GCN1: variants seen among roughly 807,000 people sequenced by gnomAD.
The protein encoded by GCN1 is stalled ribosome sensor GCN1.
GCN1 carries 90 observed loss-of-function variants against 288.4 expected under a neutral mutation model. That is an observed-to-expected ratio of 0.31 (90% CI 0.26 to 0.37). GCN1 has a LOEUF of 0.37. Among genes scored for constraint, GCN1 ranks in the 10% least tolerant of loss-of-function variants. The pLI is 1.00. For missense variants in GCN1, 2,586 were observed against 3,419.9 expected, an observed-to-expected ratio of 0.76 and a Z score of 6.08; for synonymous variants, 1,386 against 1,420.2, an observed-to-expected ratio of 0.98 and a Z score of 0.54.
At chr12:120,152,388 C>T (rs890635618) in intron 33 of GCN1, among the ~76,000 whole-genome samples, 1 of 122,314 alleles carries the variant, frequency 8.2e-6, no homozygotes, top group Non-Finnish European at 1.6e-5. Context: ...CACACACACG[C>T]GCACACACAC....
chr12:120,190,966 C>T (rs929651561), intron 1 of GCN1, among the ~76,000 whole-genome samples: 3 of 152,182 alleles, frequency 2.0e-5, no homozygotes, highest in Admixed American at 2.0e-4. Context: ...CTTTTACTAG[C>T]TGTAGAAACT....
chr12:120,171,366 C>G (rs1878308978), intron 14 of GCN1, among the ~76,000 whole-genome samples: 1 of 151,966 alleles, frequency 6.6e-6, no homozygotes, highest in East Asian at 1.9e-4. Flanking sequence ...ACTCAGGAGG[C>G]TGAGGTTGGA....
At chr12:120,168,359 T>C (rs6490286) in intron 15 of GCN1, 59 bp from the exon 16 acceptor site, 803,229 of 985,696 alleles carry the variant, frequency 0.81, 330,160 homozygotes, top group East Asian at 0.99. Context: ...AGAGCTGATC[T>C]ACTCCATCCT....
chr12:120,158,430 TG>T lies in GCN1; in HGVS notation c.2905+29del, dbSNP rs1483413049. On this transcript the variant is annotated intron_variant, in intron 25 of 57. Transcript: ENST00000300648. This position sits in a 1 kb window ranked among gnomAD's most constrained non-coding sequence, Gnocchi z 4.3. ...ATTCCTGGCACCAGCTCACACCGCCTGGTGCCCCTGATCCCGTCCCAGCCCT... is the reference window on the plus strand; with the variant it reads ...ATTCCTGGCACCAGCTCACACCGCCTGTGCCCCTGATCCCGTCCCAGCCCT... 6.6e-7 allele frequency: 1 copy of T among 1,522,654 alleles called. No individual in the cohort carries two copies. Among genetic ancestry groups the T allele is most frequent in the African/African-American group, 1.4e-5 (1 of 72,604 alleles). The allele number at this position is 1,522,654 out of a possible 1,614,324, so 94.3% of individuals were successfully genotyped here. A position where few individuals can be genotyped will look rare whatever the true frequency, so the allele number is the denominator to read the frequency against.
rs777154829 is a variant in GCN1 at position 120,183,607 on chromosome 12, A to T, written c.388T>A (p.Ser130Thr). The T allele has an allele frequency of 3.1e-6, 5 of 1,613,608 alleles. No homozygotes were observed. The South Asian group carries it at 5.5e-5, about 18-fold the overall frequency. The change falls in exon 5 of 58, where the codon TCG becomes ACG. Residue 130 changes from serine to threonine, a missense_variant. Physicochemically the swap from Ser to Thr is moderately conservative, Grantham distance 58. Transcript: ENST00000300648. ...ATGTCTCCTTGTCGCTTGGCTCTCG[A>T]TGGAAAGACAATGCGCACCAGGAGG... Reference protein sequence around the residue: ...TCLLVRIVFPSRAKRQGDIWN... With the variant: ...TCLLVRIVFPTRAKRQGDIWN...
rs1400493323 is a variant in GCN1, at chr12:120,150,069, T to C, written c.4310-26A>G. On this transcript the variant is annotated intron_variant, in intron 34 of 57. Coordinates refer to ENST00000300648, the MANE Select transcript of GCN1 (RefSeq NM_006836.2). ...CTAGGGGAAAAGAAGGTGGGACGGCTGGGAAGAGAATGTCCCCTGGGGGTA... is the reference window on the plus strand; with the variant it reads ...CTAGGGGAAAAGAAGGTGGGACGGCCGGGAAGAGAATGTCCCCTGGGGGTA... 6 of 1,612,216 alleles carry C rather than the reference T, an allele frequency of 3.7e-6. No homozygotes were observed. In the Admixed American group the frequency reaches 5.0e-5, roughly 13 times the overall value.
intron 1 of GCN1, among the ~76,000 whole-genome samples, chr12:120,193,891 A>C (rs1879085593): frequency 6.6e-6 from 1 of 152,212 alleles, no homozygotes. Flanking sequence ...CCCTGGAGAC[A>C]CCAAATCAGC....
rs1313903027 is a variant in GCN1, at chr12:120,162,772, T to C, written c.2163+75A>G. 11 of 1,477,192 alleles carry C rather than the reference T, an allele frequency of 7.4e-6. No homozygotes were observed. The African/African-American group carries it at 1.3e-4, about 17-fold the overall frequency. The allele number at this position is 1,477,192 out of a possible 1,614,324, so 91.5% of individuals were successfully genotyped here. Reference sequence around the variant, plus strand: ...ATCCATCTTCACCTGCTTCTTTGAATCCTCTCTTCCTGTACACTGTGATGA... The same window carrying C: ...ATCCATCTTCACCTGCTTCTTTGAACCCTCTCTTCCTGTACACTGTGATGA... On this transcript the variant is annotated intron_variant, in intron 20 of 57. Transcript: ENST00000300648.
chr12:120,176,244 T>TG, intron 9 of GCN1, 27 bp from the exon 10 acceptor site: 1 of 1,456,584 alleles, frequency 6.9e-7, no homozygotes, highest in Non-Finnish European at 9.6e-7. Context: ...GCACTGACCA[T>TG]GTCAGTCTAA....
At chr12:120,170,604 T>G (rs959622497) in intron 14 of GCN1, among the ~76,000 whole-genome samples, 1 of 150,970 alleles carries the variant, frequency 6.6e-6, no homozygotes, top group South Asian at 2.1e-4. Context: ...AGGCTGGGAG[T>G]TCGAGATCAG....
rs565109626 is a variant in GCN1 at position 120,161,690 on chromosome 12, C to G, written c.2343-107G>C. The stretch of plus-strand genomic sequence containing the variant: ...CTAGCTGTTAAGCACTGTGCACCAG[C>G]ACAGTGCCGGATACTGGACACACTT... On this transcript the variant is annotated intron_variant, in intron 21 of 57. Transcript: ENST00000300648. The G allele has an allele frequency of 3.2e-6, 3 of 951,854 alleles. No homozygotes were observed. In the African/African-American group the frequency reaches 4.8e-5, roughly 15 times the overall value. 59.0% of individuals were successfully genotyped at this position (951,854 alleles called of 1,614,324 possible). A position where few individuals can be genotyped will look rare whatever the true frequency, so the allele number is the denominator to read the frequency against.
rs1566298413 is a variant in GCN1, at chr12:120,137,185, CT to C, written c.6777+20del. 1 of 1,569,066 alleles carries C rather than the reference CT, an allele frequency of 6.4e-7. No homozygotes were observed. Among genetic ancestry groups the C allele is most frequent in the Non-Finnish European group, 8.8e-7 (1 of 1,139,370 alleles). On this transcript the variant is annotated intron_variant, in intron 50 of 57. Coordinates refer to ENST00000300648, the MANE Select transcript of GCN1 (RefSeq NM_006836.2). The surrounding 1 kb of genome is among the most constrained non-coding windows in gnomAD (Gnocchi z 5.2). Reference sequence around the variant, plus strand: ...CAACAGACTGCACGCCCACAGCCCCCTGCACGAGGCCCTGGCTTACCTTCTT... The same window carrying C: ...CAACAGACTGCACGCCCACAGCCCCCGCACGAGGCCCTGGCTTACCTTCTT...
Position 120,148,243 on chromosome 12 carries a change from G to A in GCN1, c.4650C>T (p.Ser1550=), listed in dbSNP as rs1194085585. 2 of 1,614,054 alleles carry A rather than the reference G, an allele frequency of 1.2e-6. No individual in the cohort carries two copies. Among genetic ancestry groups the A allele is most frequent in the Non-Finnish European group, 8.5e-7 (1 of 1,179,962 alleles). The change falls in exon 37 of 58, where the codon TCC becomes TCT. Residue 1550 remains serine, a synonymous_variant. Transcript: ENST00000300648. ...VPKLTEVLTD[S]HVKVQKAGQQ... Reference sequence around the variant, plus strand: ...GTCCAGCCTTCTGGACTTTGACATGGGAGTCGGTCAGCACCTCCGTAAGCT... The same window carrying A: ...GTCCAGCCTTCTGGACTTTGACATGAGAGTCGGTCAGCACCTCCGTAAGCT...
In GCN1 at chr12:120,165,032, CACACAT is replaced by C. The variant is rs1317339422; in HGVS notation, c.1613-317_1613-312del. 4.8e-3 allele frequency among the ~76,000 whole-genome samples: 659 copies of C among 137,528 alleles called. 4 individuals are homozygous for C. Among genetic ancestry groups the C allele is most frequent in the East Asian group, 0.015 (74 of 5,020 alleles). 90.2% of individuals were successfully genotyped at this position (137,528 alleles called of 152,430 possible). A position where few individuals can be genotyped will look rare whatever the true frequency, so the allele number is the denominator to read the frequency against. On this transcript the variant is annotated intron_variant, in intron 16 of 57. Coordinates refer to ENST00000300648, the MANE Select transcript of GCN1 (RefSeq NM_006836.2). ...ACACACACACACACACACACACACA[CACACAT>C]ATATATATATATATTTTTTTTTTTG...
chr12:120,185,692 CCAGGTTCAAGTGATTCTCCTGCCT>C (rs1471272820), intron 2 of GCN1, among the ~76,000 whole-genome samples: 4 of 152,160 alleles, frequency 2.6e-5, no homozygotes, highest in Non-Finnish European at 5.9e-5. Context: ...CCTCCGCCTC[CCAGGTTCAAGTGATTCTCCTGCCT>C]CAGCCACATG....
At chr12:120,181,664 A>T (rs940466519) in intron 5 of GCN1, among the ~76,000 whole-genome samples, 15 of 151,116 alleles carry the variant, frequency 9.9e-5, no homozygotes, top group African/African-American at 3.7e-4. Context: ...ACATAGAGAA[A>T]CCCCGTCTCT....
intron 33 of GCN1, among the ~76,000 whole-genome samples, chr12:120,152,375 CCACACACACACGCGCACACACACA>C (rs1482673102): frequency 3.8e-5 from 5 of 131,984 alleles, no homozygotes; most frequent in Non-Finnish European, 6.3e-5. Context: ...AAAATGCAAA[CCACACACACACGCGCACACACACA>C]CACACACACA....
At position 120,153,158 on chromosome 12, in the gene GCN1, A is replaced by G; in HGVS notation, c.4062+55T>C. The G allele has an allele frequency of 6.6e-7, 1 of 1,504,972 alleles. No individual in the cohort carries two copies. Among genetic ancestry groups the G allele is most frequent in the South Asian group, 1.1e-5 (1 of 86,974 alleles). 93.2% of individuals were successfully genotyped at this position (1,504,972 alleles called of 1,614,324 possible). A position where few individuals can be genotyped will look rare whatever the true frequency, so the allele number is the denominator to read the frequency against. On this transcript the variant is annotated intron_variant, in intron 33 of 57. Transcript: ENST00000300648. The surrounding 1 kb of genome is among the most constrained non-coding windows in gnomAD (Gnocchi z 4.4). ...CCCTAGTATCCCACCGCCTAACCAC[A>G]GCCGGGTCCCAATTCTCTAACCGAC...
chr12:120,168,326 C>G (rs367755066), intron 15 of GCN1, 26 bp from the exon 16 acceptor site: 6 of 1,328,776 alleles, frequency 4.5e-6, no homozygotes, highest in South Asian at 1.2e-5. Context: ...GGTTACCCCA[C>G]GACGCAGCTC....
Sources: allele counts gnomAD v4.1 joint callset (sites outside exome capture counted in the v4.1 genomes callset), GRCh38; gene constraint gnomAD v4.1.1; non-coding constraint Gnocchi (gnomAD v3.1); transcripts MANE v1.5; gene names NCBI Gene and HGNC (gene_info 2026-07-23, HGNC 2026-07-21).